Variants in TDRD1 observed in about 807,000 individuals in gnomAD.
The protein encoded by TDRD1 is tudor domain-containing protein 1.
TDRD1 carries 37 observed loss-of-function variants against 140.6 expected under a neutral mutation model. That is an observed-to-expected ratio of 0.26 (90% confidence interval 0.20 to 0.35). The LOEUF is 0.35. Ranked by LOEUF, TDRD1 falls within the 10% of genes least tolerant of loss-of-function variation. The pLI is 1.00. For synonymous variants in TDRD1, 506 were observed against 475.7 expected (o/e 1.06, Z -0.83); for missense variants, 1,243 against 1,393.0 (o/e 0.89, Z 1.71).
chr10:114,187,070 T>G (rs966889371), intron 1 of TDRD1, among the ~76,000 whole-genome samples: 8 of 152,228 alleles, frequency 5.3e-5, no homozygotes, highest in African/African-American at 1.9e-4. Context: ...TAGAATTCTT[T>G]AAGAGTAACG....
intron 14 of TDRD1, 86 bp downstream of exon 14, chr10:114,212,122 C>A: frequency 8.2e-7 from 1 of 1,226,540 alleles, no homozygotes; most frequent in Non-Finnish European, 1.1e-6. Context: ...GGAAAAGCTG[C>A]TTCTCAAAAC....
chr10:114,179,106 A>G (rs1207655700), upstream of TDRD1, among the ~76,000 whole-genome samples: 1 of 152,244 alleles, frequency 6.6e-6, no homozygotes, highest in Non-Finnish European at 1.5e-5. Context: ...AATTTGCCAA[A>G]GGCGTTGCCA....
At chr10:114,182,565 C>G (rs560032704) in intron 1 of TDRD1, among the ~76,000 whole-genome samples, 142 of 152,338 alleles carry the variant, frequency 9.3e-4, no homozygotes, top group Non-Finnish European at 1.5e-3. Flanking sequence ...ACCTCATAGC[C>G]TGATGTGCTT....
intron 3 of TDRD1, 22 bp downstream of exon 3, chr10:114,191,041 G>A (rs368716809): frequency 3.7e-6 from 6 of 1,607,358 alleles, no homozygotes; most frequent in Non-Finnish European, 5.1e-6. Flanking sequence ...TATTGTGTGT[G>A]TGCTTGTTTG....
At chr10:114,207,509 A>G (rs919888206) in intron 11 of TDRD1, among the ~76,000 whole-genome samples, 1 of 152,098 alleles carries the variant, frequency 6.6e-6, no homozygotes, top group African/African-American at 2.4e-5. Flanking sequence ...GTACTTGCCT[A>G]TGTGATATGC....
chr10:114,195,770 G>A (rs745372837), intron 3 of TDRD1, among the ~76,000 whole-genome samples: 3 of 152,080 alleles, frequency 2.0e-5, no homozygotes, highest in Non-Finnish European at 2.9e-5. Flanking sequence ...TGCTTAGACC[G>A]TTTACATTTG....
upstream of TDRD1, among the ~76,000 whole-genome samples, chr10:114,175,671 T>C (rs1485009905): frequency 6.6e-6 from 1 of 152,172 alleles, no homozygotes; most frequent in African/African-American, 2.4e-5. Flanking sequence ...ATATTGCTTG[T>C]AGCAGAAAGC....
chr10:114,215,784 C>A (rs778389327), intron 16 of TDRD1, among the ~76,000 whole-genome samples: 1 of 151,870 alleles, frequency 6.6e-6, no homozygotes, highest in Non-Finnish European at 1.5e-5. Flanking sequence ...TATAAAAATT[C>A]TAAAGATGAA....
chr10:114,221,633 C>T (rs372448525), intron 20 of TDRD1, among the ~76,000 whole-genome samples, 157 bp downstream of exon 20: 5 of 152,206 alleles, frequency 3.3e-5, no homozygotes, highest in Non-Finnish European at 7.3e-5. Flanking sequence ...AGTTACGAAA[C>T]ACTAGCGGGA....
intron 1 of TDRD1, among the ~76,000 whole-genome samples, chr10:114,182,567 G>A (rs1409816670): frequency 1.3e-5 from 2 of 152,200 alleles, no homozygotes; most frequent in Non-Finnish European, 2.9e-5. Flanking sequence ...CTCATAGCCT[G>A]ATGTGCTTCT....
intron 22 of TDRD1, among the ~76,000 whole-genome samples, chr10:114,226,802 T>G (rs1401380210): frequency 6.6e-6 from 1 of 152,200 alleles, no homozygotes; most frequent in Non-Finnish European, 1.5e-5. Flanking sequence ...GTTGGAAAAT[T>G]ATCTTTGTTT....
At chr10:114,212,139 A>G in intron 14 of TDRD1, 103 bp downstream of exon 14, 1 of 1,004,608 alleles carries the variant, frequency 1.0e-6, no homozygotes, top group Non-Finnish European at 1.4e-6. Context: ...AAACAACATC[A>G]TGATCAGATG....
intron 25 of TDRD1, among the ~76,000 whole-genome samples, chr10:114,229,432 A>G (rs2036625420): frequency 6.6e-6 from 1 of 152,060 alleles, no homozygotes; most frequent in East Asian, 1.9e-4. Flanking sequence ...AAGATCAACT[A>G]TCTTGACTCT....
At chr10:114,180,967 G>GC (rs1170563858) in intron 1 of TDRD1, among the ~76,000 whole-genome samples, 1 of 152,082 alleles carries the variant, frequency 6.6e-6, no homozygotes, top group Non-Finnish European at 1.5e-5. Context: ...ATCTTAGGAA[G>GC]CCCCCAGCAA....
chr10:114,229,246 T>C (rs1035868758), intron 25 of TDRD1, among the ~76,000 whole-genome samples: 3 of 152,250 alleles, frequency 2.0e-5, no homozygotes, highest in African/African-American at 7.2e-5. Flanking sequence ...TTAAACTGTT[T>C]GGAAATAGTT....
At chr10:114,196,041 T>C (rs2034321208) in intron 3 of TDRD1, among the ~76,000 whole-genome samples, 1 of 152,234 alleles carries the variant, frequency 6.6e-6, no homozygotes, top group South Asian at 2.1e-4. Context: ...GTCTTACATA[T>C]TCTATCTCAG....
chr10:114,184,928 C>T lies in TDRD1; in HGVS notation c.-6-2898C>T, dbSNP rs140206989. Reference sequence around the variant, plus strand: ...TGTATGATACTAGTTTTTTTGTAGTCGAGGTGGTTTTTGCAGTCCAGCATA... The same window carrying T: ...TGTATGATACTAGTTTTTTTGTAGTTGAGGTGGTTTTTGCAGTCCAGCATA... On this transcript the variant is annotated intron_variant, in intron 1 of 25. Coordinates refer to ENST00000251864, the Ensembl canonical transcript of TDRD1. Among the ~76,000 whole-genome samples the T allele has an allele frequency of 9.3e-3, 1,405 of 151,268 alleles. 12 individuals are homozygous for T. Among genetic ancestry groups the T allele is most frequent in the Non-Finnish European group, 0.015 (1,005 of 67,818 alleles).
chr10:114,214,216 G>C, intron 16 of TDRD1, 102 bp downstream of exon 16: 7 of 968,888 alleles, frequency 7.2e-6, no homozygotes, highest in Non-Finnish European at 7.8e-6. Flanking sequence ...CTCTTTCCAA[G>C]AAGAGCCAAG....
rs1004679066 is a variant in TDRD1, at chr10:114,188,771, C to A, written c.325+615C>A. 2.6e-5 allele frequency among the ~76,000 whole-genome samples: 4 copies of A among 151,264 alleles called. No individual in the cohort carries two copies. In the East Asian group the frequency reaches 7.8e-4, roughly 29 times the overall value. On this transcript the variant is annotated intron_variant, in intron 2 of 25. Coordinates refer to ENST00000251864, the Ensembl canonical transcript of TDRD1. ...ACTTGAGAGGCTGAGGCAGGAGAAT[C>A]GCTTGAACCTGGGAGGCAGAGGTTG...
Sources: gnomAD v4.1 joint callset for allele counts (sites outside exome capture counted in the v4.1 genomes callset) on GRCh38, gnomAD v4.1.1 for gene constraint, MANE v1.5 for transcripts, NCBI Gene and HGNC (gene_info 2026-07-23, HGNC 2026-07-21) for gene names.